Variants in EDC3 observed in about 807,000 individuals in gnomAD.
The protein encoded by EDC3 is enhancer of mRNA decapping 3, also known as enhancer of mRNA-decapping protein 3.
In EDC3, 20 loss-of-function variants were observed where a neutral mutation model predicts 41.8. The ratio of observed to expected loss-of-function variants is 0.48; its 90% CI spans 0.34 to 0.70. EDC3 has a LOEUF of 0.70. EDC3 is among the 30% of genes least tolerant of loss of function. EDC3 has a pLI of 0.01. For missense variants in EDC3, 444 were observed against 636.8 expected (o/e 0.70, Z 3.26); for synonymous variants, 206 against 243.2 (o/e 0.85, Z 1.42).
rs2062742233 is a variant in EDC3 at position 74,671,801 on chromosome 15, C to CAA, written c.165-29_165-28dup. On this transcript the variant is annotated intron_variant, in intron 2 of 6. Transcript: ENST00000315127. This position sits in a 1 kb window ranked among gnomAD's most constrained non-coding sequence, Gnocchi z 4.6. ...TGAAATACACAAAAAAGCCAAGTCT[C>CAA]AAAATTATAATAGTGGTAAGAATGA... is the stretch of plus-strand genomic sequence containing the variant. The CAA allele has an allele frequency of 6.2e-7, 1 of 1,602,928 alleles. No individual in the cohort carries two copies.
At chr15:74,683,704 A>C (rs1596332482) in intron 1 of EDC3, among the ~76,000 whole-genome samples, 1 of 152,286 alleles carries the variant, frequency 6.6e-6, no homozygotes, top group East Asian at 1.9e-4. Context: ...TGAATCTACA[A>C]CTATCTCAGA....
intron 1 of EDC3, among the ~76,000 whole-genome samples, chr15:74,690,957 G>A (rs1263097219): frequency 1.3e-5 from 2 of 152,150 alleles, no homozygotes; most frequent in Non-Finnish European, 1.5e-5. Context: ...CACTGTGGGA[G>A]GCCAAGGAGG....
Position 74,671,847 on chromosome 15 carries a change from A to C in EDC3, c.165-73T>G. On this transcript the variant is annotated intron_variant, in intron 2 of 6. Coordinates refer to ENST00000315127, the MANE Select transcript of EDC3 (RefSeq NM_025083.5). This position sits in a 1 kb window ranked among gnomAD's most constrained non-coding sequence, Gnocchi z 4.6. ...AATGATGAAACTGAGATCATTAGCA[A>C]ACAGCTACCCCTTTGCAGGACTGCA... The C allele has an allele frequency of 7.0e-7, 1 of 1,437,688 alleles. No homozygotes were observed. The highest frequency in any genetic ancestry group is 9.7e-7 in the Non-Finnish European group (1 of 1,033,966). 89.1% of individuals were successfully genotyped at this position (1,437,688 alleles called of 1,614,324 possible).
chr15:74,651,983 G>A (rs2062485884), intron 4 of EDC3, among the ~76,000 whole-genome samples: 1 of 152,154 alleles, frequency 6.6e-6, no homozygotes, highest in Non-Finnish European at 1.5e-5. Flanking sequence ...TAGAATACTG[G>A]TTGTTTACTC....
In EDC3 at chr15:74,655,791, C is replaced by T. The variant is rs770978061; in HGVS notation, c.762G>A (p.Glu254=). ...YRHDENILES[E]PIVYRRIIVP... Reference sequence around the variant, plus strand: ...CTATGATCCGTCGATAGACAATGGGCTCGGACTCCAAGATGTTCTCATCAT... The same window carrying T: ...CTATGATCCGTCGATAGACAATGGGTTCGGACTCCAAGATGTTCTCATCAT... Residue 254 remains glutamate (E), a synonymous_variant, in exon 4 of 7, where the codon GAG becomes GAA. Transcript: ENST00000315127. 2 of 1,614,166 alleles carry T rather than the reference C, an allele frequency of 1.2e-6. No individual in the cohort carries two copies. The highest frequency in any genetic ancestry group is 2.2e-5 in the South Asian group (2 of 91,082).
intron 1 of EDC3, among the ~76,000 whole-genome samples, chr15:74,677,993 G>A (rs1195649687): frequency 7.0e-6 from 1 of 142,144 alleles, no homozygotes; most frequent in Non-Finnish European, 1.5e-5. Context: ...AAGCCAATGT[G>A]AAAAGGATAC....
At chr15:74,673,784 G>A (rs2062768825) in intron 2 of EDC3, among the ~76,000 whole-genome samples, 1 of 149,898 alleles carries the variant, frequency 6.7e-6, no homozygotes, top group Admixed American at 6.7e-5. Context: ...AGTTTGCAGT[G>A]AGCCAAGATC....
chr15:74,669,336 T>C, intron 3 of EDC3, among the ~76,000 whole-genome samples: 1 of 110,670 alleles, frequency 9.0e-6, no homozygotes, highest in Non-Finnish European at 1.8e-5. Context: ...AGAGCGAAAC[T>C]CTGTCTCAAA....
Position 74,640,756 on chromosome 15 carries a change from G to A in EDC3, c.821-137C>T, listed in dbSNP as rs1443838188. 5.6e-6 allele frequency: 6 copies of A among 1,064,882 alleles called. No homozygotes were observed. In the East Asian group the frequency reaches 1.5e-4, roughly 27 times the overall value. The allele number at this position is 1,064,882 out of a possible 1,614,324, so 66.0% of individuals were successfully genotyped here. ...CTGGCCCATCCTCTTCATCTTCCGG[G>A]ACTAAGGCACGCTCTGCAGCTCTGC... On this transcript the variant is annotated intron_variant, in intron 4 of 6. Coordinates refer to ENST00000315127, the MANE Select transcript of EDC3 (RefSeq NM_025083.5).
rs1429084166 is a variant in EDC3, at chr15:74,681,250, T to C, written c.-18-6108A>G. 2.0e-5 allele frequency among the ~76,000 whole-genome samples: 3 copies of C among 152,284 alleles called. No individual in the cohort carries two copies. The East Asian group carries it at 5.8e-4, about 29-fold the overall frequency. ...CTCACTGCAACCTCCACCTCCCGGG[T>C]GCAAGCAGTTTTCTGCTTCAGCCTC... On this transcript the variant is annotated intron_variant, in intron 1 of 6. Coordinates refer to ENST00000315127, the MANE Select transcript of EDC3 (RefSeq NM_025083.5).
At position 74,646,834 on chromosome 15, in the gene EDC3, A is replaced by G. The variant is rs150096679; in HGVS notation, c.821-6215T>C. 2.0e-3 allele frequency among the ~76,000 whole-genome samples: 309 copies of G among 152,286 alleles called. 5 individuals carry two copies. Among genetic ancestry groups the G allele is most frequent in the East Asian group, 3.1e-3 (16 of 5,182 alleles). ...GGACATAGGGAAGCTATAGGATAGC[A>G]TAAGGAACTAAAAGGTCATGAAAAT... On this transcript the variant is annotated intron_variant, in intron 4 of 6. Coordinates refer to ENST00000315127, the MANE Select transcript of EDC3 (RefSeq NM_025083.5).
At chr15:74,666,326 A>ATAGTAAC (rs1203587744) in intron 3 of EDC3, among the ~76,000 whole-genome samples, 3 of 151,980 alleles carry the variant, frequency 2.0e-5, no homozygotes, top group Non-Finnish European at 2.9e-5. Context: ...TTCTTGAAAA[A>ATAGTAAC]TAGTAACATT....
At chr15:74,642,704 A>G (rs2062368757) in intron 4 of EDC3, 1 of 152,196 alleles carries the variant, frequency 6.6e-6, no homozygotes, top group South Asian at 2.1e-4. Context: ...CCACAAATCA[A>G]GCATTCTTTC....
At chr15:74,687,053 T>G (rs1214183578) in intron 1 of EDC3, 1 of 151,712 alleles carries the variant, frequency 6.6e-6, no homozygotes, top group Non-Finnish European at 1.5e-5. Flanking sequence ...AAAAAATAAA[T>G]AAAAATAAAG....
intron 1 of EDC3, among the ~76,000 whole-genome samples, chr15:74,688,787 A>T (rs2062966968): frequency 6.6e-6 from 1 of 152,070 alleles, no homozygotes; most frequent in South Asian, 2.1e-4. Flanking sequence ...CATGCCTGTA[A>T]TCCCAGCTAC....
chr15:74,688,949 A>G lies in EDC3; in HGVS notation c.-19+6931T>C, dbSNP rs2062970332. Among the ~76,000 whole-genome samples the G allele has an allele frequency of 2.7e-5, 4 of 150,748 alleles. No individual in the cohort carries two copies. The Admixed American group carries it at 2.7e-4, about 10-fold the overall frequency. On this transcript the variant is annotated intron_variant, in intron 1 of 6. Coordinates refer to ENST00000315127, the MANE Select transcript of EDC3 (RefSeq NM_025083.5). ...AAGTACATTTGTGAGATTCATCCCCATTGTTGCATGTATCAGAAGTTTATT... is the reference window on the plus strand; with the variant it reads ...AAGTACATTTGTGAGATTCATCCCCGTTGTTGCATGTATCAGAAGTTTATT...
At chr15:74,652,329 G>A (rs2062490559) in intron 4 of EDC3, among the ~76,000 whole-genome samples, 2 of 150,816 alleles carry the variant, frequency 1.3e-5, no homozygotes, top group South Asian at 2.1e-4. Context: ...CCAGGTTCAC[G>A]CCATTCTCCC....
intron 4 of EDC3, among the ~76,000 whole-genome samples, chr15:74,645,670 A>G (rs1336417289): frequency 6.7e-6 from 1 of 148,630 alleles, no homozygotes; most frequent in Non-Finnish European, 1.5e-5. Flanking sequence ...GGAGTTCGAG[A>G]TCATCCTGGG....
chr15:74,645,919 C>G (rs1274726956), intron 4 of EDC3, among the ~76,000 whole-genome samples: 2 of 151,824 alleles, frequency 1.3e-5, no homozygotes, highest in Non-Finnish European at 2.9e-5. Flanking sequence ...TTAAGTGCTT[C>G]CAAATATGAT....
Sources: gnomAD v4.1 joint callset for allele counts (sites outside exome capture counted in the v4.1 genomes callset) on GRCh38, gnomAD v4.1.1 for gene constraint, Gnocchi (gnomAD v3.1) non-coding constraint, MANE v1.5 for transcripts, NCBI Gene and HGNC (gene_info 2026-07-23, HGNC 2026-07-21) for gene names.